Variants in RGS3 observed in about 807,000 individuals in gnomAD.
The protein encoded by RGS3 is regulator of G-protein signalling 3.
In RGS3, 80 loss-of-function variants were observed where a neutral mutation model predicts 132.6. That is an observed-to-expected ratio of 0.60 (90% CI 0.50 to 0.73). The LOEUF (loss-of-function observed/expected upper bound fraction) is 0.73. Among genes scored for constraint, RGS3 ranks in the 30% least tolerant of loss-of-function variants. The pLI is 0.00. For synonymous variants in RGS3, 598 were observed against 620.6 expected (o/e 0.96, Z 0.54); for missense variants, 1,382 against 1,530.8 (o/e 0.90, Z 1.62).
In RGS3 at chr9:113,506,180, G is replaced by T. The variant is rs117059868; in HGVS notation, c.980-208G>T. 9.4e-3 allele frequency among the ~76,000 whole-genome samples: 1,432 copies of T among 152,120 alleles called. 10 individuals are homozygous for T. The highest frequency in any genetic ancestry group is 0.017 in the Admixed American group (267 of 15,270). On this transcript the variant is annotated intron_variant, in intron 11 of 24. Transcript: ENST00000350696. The surrounding 1 kb of genome is among the most constrained non-coding windows in gnomAD (Gnocchi z 4.7). ...GGGGAGGTAAGCCAGCAGTAGGGGA[G>T]GCAAGCAGGGAGAAGGGAAGGCAAA...
intron 17 of RGS3, among the ~76,000 whole-genome samples, chr9:113,524,460 A>G (rs7025745): frequency 0.12 from 18,164 of 152,186 alleles, 1,301 homozygotes; most frequent in African/African-American, 0.19. Flanking sequence ...ACAAGGCTGA[A>G]GCTATAACCC....
At chr9:113,465,016 G>A (rs1314478089) in intron 3 of RGS3, among the ~76,000 whole-genome samples, 3 of 152,184 alleles carry the variant, frequency 2.0e-5, no homozygotes, top group Non-Finnish European at 2.9e-5. Flanking sequence ...GTTGGTGGAC[G>A]ATAAAGGGCA....
chr9:113,505,066 G>A (rs954944075), intron 10 of RGS3: 9 of 222,436 alleles, frequency 4.0e-5, no homozygotes, highest in Non-Finnish European at 7.3e-5. Context: ...AAAGGAAGAA[G>A]GGAGCCAGGA....
chr9:113,597,056 G>GACACA, exon 25 of RGS3: 1 of 1,045,944 alleles, frequency 9.6e-7, no homozygotes, highest in Non-Finnish European at 1.4e-6. Context: ...AGCCCCCAGA[G>GACACA]GCTGTGTCTC....
At chr9:113,472,446 G>T (rs1186650642) in intron 3 of RGS3, among the ~76,000 whole-genome samples, 1 of 152,182 alleles carries the variant, frequency 6.6e-6, no homozygotes, top group African/African-American at 2.4e-5. Context: ...GCCACAAAGG[G>T]ACTAAAATAC....
At chr9:113,469,903 T>G (rs1046303934) in intron 3 of RGS3, among the ~76,000 whole-genome samples, 8 of 151,422 alleles carry the variant, frequency 5.3e-5, no homozygotes, top group African/African-American at 1.9e-4. Flanking sequence ...TATAGTTGTT[T>G]TTTTTTTTTT....
intron 20 of RGS3, among the ~76,000 whole-genome samples, chr9:113,588,130 C>T (rs1332997240): frequency 2.0e-5 from 3 of 152,206 alleles, no homozygotes; most frequent in African/African-American, 2.4e-5. Flanking sequence ...TTCCTTCCTC[C>T]CCTGCAGGGG....
intron 19 of RGS3, among the ~76,000 whole-genome samples, chr9:113,568,531 C>G (rs1834110879): frequency 1.3e-5 from 2 of 152,348 alleles, no homozygotes; most frequent in Non-Finnish European, 1.5e-5. Context: ...GCCGTCTCCT[C>G]TTCCTGGCTT....
At chr9:113,502,472 G>A (rs1191588629) in intron 10 of RGS3, among the ~76,000 whole-genome samples, 1 of 152,238 alleles carries the variant, frequency 6.6e-6, no homozygotes, top group Non-Finnish European at 1.5e-5. Context: ...CCCCCCACCT[G>A]CCTGCTAGGG....
At chr9:113,490,446 G>A (rs2119251996) in intron 7 of RGS3, among the ~76,000 whole-genome samples, 1 of 151,596 alleles carries the variant, frequency 6.6e-6, no homozygotes, top group African/African-American at 2.4e-5. Context: ...AAAATTAATA[G>A]TAATTCCTCA....
chr9:113,545,349 A>C (rs1349076402), intron 19 of RGS3, among the ~76,000 whole-genome samples: 1 of 152,194 alleles, frequency 6.6e-6, no homozygotes. Flanking sequence ...TTGTGCGCAG[A>C]TTTTGCTAAT....
At chr9:113,472,016 GA>G (rs1829851199) in intron 3 of RGS3, among the ~76,000 whole-genome samples, 1 of 151,994 alleles carries the variant, frequency 6.6e-6, no homozygotes. Context: ...AACAGCATGT[GA>G]AAAAATGCTC....
At chr9:113,522,946 A>G (rs764627350) in exon 17 of RGS3, 1 of 1,613,608 alleles carries the variant, frequency 6.2e-7, no homozygotes, top group South Asian at 1.1e-5. Context: ...CTGTTTGCCT[A>G]TTCGGACCTG....
chr9:113,461,613 C>G (rs908037479), intron 1 of RGS3: 1 of 1,251,120 alleles, frequency 8.0e-7, no homozygotes, highest in African/African-American at 1.5e-5. Flanking sequence ...CAGAGTGGGG[C>G]AGGAGTCAGG....
intron 1 of RGS3, among the ~76,000 whole-genome samples, chr9:113,448,638 A>G (rs111815957): frequency 0.016 from 2,457 of 152,286 alleles, 30 homozygotes; most frequent in Non-Finnish European, 0.026. Context: ...TGCCAGACTG[A>G]CTTCTGCGAG....
chr9:113,506,254 A>G lies in RGS3; in HGVS notation c.980-134A>G, dbSNP rs1831127843. The G allele has an allele frequency of 1.6e-6, 1 of 620,200 alleles. No individual in the cohort carries two copies. The highest frequency in any genetic ancestry group is 2.9e-6 in the Non-Finnish European group (1 of 342,688). 38.4% of individuals were successfully genotyped at this position (620,200 alleles called of 1,614,324 possible). On this transcript the variant is annotated intron_variant, in intron 11 of 24. Transcript: ENST00000350696. The surrounding 1 kb of genome is among the most constrained non-coding windows in gnomAD (Gnocchi z 4.7). Reference sequence around the variant, plus strand: ...TGAGAGGCACCAAGTTCAGTCCCTCATTTCACGGATGAAGAAACTTAGAGA... The same window carrying G: ...TGAGAGGCACCAAGTTCAGTCCCTCGTTTCACGGATGAAGAAACTTAGAGA...
rs1055611867 is a variant in RGS3 at position 113,574,191 on chromosome 9, C to T, written c.2038-9259C>T. ...AACACCTCTAGCTTCACCTTCCTTA[C>T]CTCTGCAGCGCTAAGTAAACATTGC... On this transcript the variant is annotated intron_variant, in intron 19 of 24. Transcript: ENST00000350696. 2.6e-5 allele frequency among the ~76,000 whole-genome samples: 4 copies of T among 152,232 alleles called. No homozygotes were observed. The South Asian group carries it at 8.3e-4, about 31-fold the overall frequency.
chr9:113,541,382 C>T, intron 19 of RGS3: 1 of 1,613,842 alleles, frequency 6.2e-7, no homozygotes, highest in Non-Finnish European at 8.5e-7. Context: ...CCAATGCCAC[C>T]CAGGATAGAA....
At chr9:113,508,659 C>G (rs1475813897) in intron 14 of RGS3, 79 bp downstream of exon 12, 6 of 1,482,174 alleles carry the variant, frequency 4.0e-6, no homozygotes, top group South Asian at 1.1e-5. Flanking sequence ...CAGCCTCCGC[C>G]CCTGAGTTCT....
Sources: allele counts gnomAD v4.1 joint callset (sites outside exome capture counted in the v4.1 genomes callset), GRCh38; gene constraint gnomAD v4.1.1; non-coding constraint Gnocchi (gnomAD v3.1); transcripts MANE v1.5; gene names NCBI Gene and HGNC (gene_info 2026-07-23, HGNC 2026-07-21).